UGT1A8: variants seen among roughly 807,000 people sequenced by gnomAD.
UGT1A8 encodes UDP glucuronosyltransferase family 1 member A8.
Under a neutral mutation model 45.3 loss-of-function variants are expected in UGT1A8, and 39 were observed. The observed-to-expected ratio is 0.86, with a 90% CI of 0.67 to 1.12. The LOEUF is 1.12. UGT1A8 is among the 50% of genes most tolerant of loss of function. The pLI, the probability that UGT1A8 is intolerant of heterozygous loss-of-function variation, is 0.00. For missense variants in UGT1A8, 719 were observed against 664.9 expected, an observed-to-expected ratio of 1.08 and a Z score of -0.90; for synonymous variants, 275 against 249.2, an observed-to-expected ratio of 1.10 and a Z score of -0.97.
At chr2:233,747,947 G>T in intron 1 of UGT1A8, 1 of 1,613,454 alleles carries the variant, frequency 6.2e-7, no homozygotes, top group Non-Finnish European at 8.5e-7. Flanking sequence ...AGGTGTCAGT[G>T]GTGGATCTTC....
chr2:233,667,514 A>C (rs1048032117), intron 1 of UGT1A8, among the ~76,000 whole-genome samples: 10 of 152,186 alleles, frequency 6.6e-5, no homozygotes, highest in African/African-American at 2.4e-4. Flanking sequence ...GTGGCAACAA[A>C]AGCCAAAATT....
At chr2:233,661,627 C>CTTTCTTTCTTTA (rs755405056) in intron 1 of UGT1A8, among the ~76,000 whole-genome samples, 32 of 106,216 alleles carry the variant, frequency 3.0e-4, no homozygotes, top group African/African-American at 9.8e-4. Context: ...ACTGAATTTT[C>CTTTCTTTCTTTA]TTTCTTTCTT....
At chr2:233,712,435 A>T (rs1228007796) in intron 1 of UGT1A8, among the ~76,000 whole-genome samples, 6 of 152,204 alleles carry the variant, frequency 3.9e-5, no homozygotes, top group Admixed American at 3.9e-4. Flanking sequence ...TCCTGGTGTG[A>T]AAAACGACCA....
intron 1 of UGT1A8, among the ~76,000 whole-genome samples, chr2:233,644,924 G>A (rs1451226785): frequency 2.0e-5 from 3 of 152,092 alleles, no homozygotes; most frequent in Admixed American, 2.0e-4. Flanking sequence ...TTCTTTTCCA[G>A]TATTGACAAT....
chr2:233,698,504 T>C (rs2125575821), intron 1 of UGT1A8, among the ~76,000 whole-genome samples: 2 of 152,244 alleles, frequency 1.3e-5, no homozygotes, highest in East Asian at 1.9e-4. Flanking sequence ...ATTAGGCAAA[T>C]CACATAATCG....
intron 1 of UGT1A8, among the ~76,000 whole-genome samples, chr2:233,653,260 C>T (rs955852285): frequency 3.3e-5 from 5 of 152,126 alleles, no homozygotes; most frequent in African/African-American, 9.7e-5. Flanking sequence ...TATAAAAACA[C>T]GACAGACCAC....
intron 1 of UGT1A8, among the ~76,000 whole-genome samples, chr2:233,717,017 A>C (rs1321283175): frequency 2.0e-5 from 3 of 152,130 alleles, no homozygotes; most frequent in Non-Finnish European, 4.4e-5. Flanking sequence ...CTCTGAAGGC[A>C]CCACCATCTT....
intron 1 of UGT1A8, among the ~76,000 whole-genome samples, chr2:233,751,728 CCT>C (rs1694798514): frequency 6.6e-6 from 1 of 152,164 alleles, no homozygotes; most frequent in Non-Finnish European, 1.5e-5. Flanking sequence ...GTGAACTCTT[CCT>C]CTCTGTTTCT....
At chr2:233,663,508 G>A (rs886997768) in intron 1 of UGT1A8, among the ~76,000 whole-genome samples, 2 of 152,066 alleles carry the variant, frequency 1.3e-5, no homozygotes, top group Non-Finnish European at 2.9e-5. Flanking sequence ...ATCAAGGACA[G>A]GGTCTGCAAA....
chr2:233,628,387 A>G (rs2073130709), intron 1 of UGT1A8, among the ~76,000 whole-genome samples: 1 of 152,068 alleles, frequency 6.6e-6, no homozygotes, highest in Non-Finnish European at 1.5e-5. Flanking sequence ...AAATCTGCAT[A>G]TAAGTGGATC....
chr2:233,682,269 G>A, intron 1 of UGT1A8: 2 of 1,614,172 alleles, frequency 1.2e-6, no homozygotes, highest in Non-Finnish European at 1.7e-6. Flanking sequence ...CTATTAACAA[G>A]TTCATCCAAT....
intron 1 of UGT1A8, among the ~76,000 whole-genome samples, chr2:233,737,512 C>T (rs2078888926): frequency 6.6e-6 from 1 of 152,170 alleles, no homozygotes; most frequent in African/African-American, 2.4e-5. Context: ...CTTGCACTTC[C>T]TAGGTGAGGC....
At chr2:233,754,832 T>G (rs773754133) in intron 1 of UGT1A8, 4 of 1,342,732 alleles carry the variant, frequency 3.0e-6, no homozygotes, top group Non-Finnish European at 4.0e-6. Context: ...AAGCTGGAAA[T>G]TCACTGAAGG....
At chr2:233,685,806 T>C (rs1031826413) in intron 1 of UGT1A8, among the ~76,000 whole-genome samples, 3 of 152,228 alleles carry the variant, frequency 2.0e-5, no homozygotes, top group Non-Finnish European at 4.4e-5. Flanking sequence ...TGTTGTCTCA[T>C]CACGAAATAC....
intron 1 of UGT1A8, among the ~76,000 whole-genome samples, chr2:233,646,665 G>T (rs1405751774): frequency 3.3e-5 from 5 of 152,092 alleles, no homozygotes; most frequent in African/African-American, 1.2e-4. Flanking sequence ...AGTTCCCAAC[G>T]AGTTCCTCAT....
chr2:233,763,329 T>A (rs752568926), intron 1 of UGT1A8, among the ~76,000 whole-genome samples: 30 of 152,234 alleles, frequency 2.0e-4, no homozygotes, highest in Non-Finnish European at 3.5e-4. Context: ...ATTATTTTTG[T>A]TTACATTTCC....
intron 1 of UGT1A8, chr2:233,717,875 A>G: frequency 2.2e-6 from 1 of 454,872 alleles, no homozygotes; most frequent in Non-Finnish European, 4.4e-6. Flanking sequence ...GACTTGGAGA[A>G]AAGCCTGGCC....
At chr2:233,631,771 C>A (rs1171510125) in intron 1 of UGT1A8, among the ~76,000 whole-genome samples, 4 of 152,050 alleles carry the variant, frequency 2.6e-5, no homozygotes, top group Non-Finnish European at 1.5e-5. Flanking sequence ...ATTTTTCTCC[C>A]ATTCTGTAAG....
intron 1 of UGT1A8, 152 bp downstream of exon 1, chr2:233,618,714 A>C: frequency 6.9e-7 from 1 of 1,439,164 alleles, no homozygotes; most frequent in Non-Finnish European, 9.2e-7. Flanking sequence ...TTATGTACTC[A>C]TCAGTTATCA....
Sources: gnomAD v4.1 joint callset for allele counts (sites outside exome capture counted in the v4.1 genomes callset) on GRCh38, gnomAD v4.1.1 for gene constraint, MANE v1.5 for transcripts, NCBI Gene and HGNC (gene_info 2026-07-23, HGNC 2026-07-21) for gene names.